NTSR2: variants seen among roughly 807,000 people sequenced by gnomAD.
The protein encoded by NTSR2 is neurotensin receptor 2.
In NTSR2, 22 loss-of-function variants were observed where a neutral mutation model predicts 24.1. The ratio of observed to expected loss-of-function variants is 0.91; its 90% CI spans 0.65 to 1.30. NTSR2 has a LOEUF of 1.30. Ranked by LOEUF, NTSR2 falls within the 50% of genes most tolerant of loss-of-function variation. The pLI is 0.00. For synonymous variants in NTSR2, 291 were observed against 267.0 expected (o/e 1.09, Z -0.88); for missense variants, 570 against 570.4 (o/e 1.00, Z 0.01).
chr2:11,665,055 GTTTTTTTTTTTT>G (rs34751276), intron 1 of NTSR2, among the ~76,000 whole-genome samples: 11 of 106,676 alleles, frequency 1.0e-4, no homozygotes, highest in East Asian at 2.6e-4. Flanking sequence ...CTTTGGCACT[GTTTTTTTTTTTT>G]TTTTTTTTTT....
chr2:11,668,442 A>G (rs1262305095), intron 1 of NTSR2, among the ~76,000 whole-genome samples: 1 of 152,200 alleles, frequency 6.6e-6, no homozygotes, highest in Non-Finnish European at 1.5e-5. Context: ...CGTGCCACTA[A>G]GAAGCCGCTT....
Position 11,662,079 on chromosome 2 carries a change from G to T in NTSR2, c.786C>A (p.Leu262=). 6.2e-7 allele frequency: 1 copy of T among 1,613,648 alleles called. No individual in the cohort carries two copies. The highest frequency in any genetic ancestry group is 1.3e-5 in the African/African-American group (1 of 75,044). ...TCTTCTTCCATACGATGAAGCTGAG[G>T]AGACCCTCCTCACTCAGCAGCTCCA... ...SRLELLSEEG[L]LSFIVWKKTF... is the part of the protein sequence containing the mutation. Residue 262 remains leucine (L), a synonymous_variant, in exon 2 of 4, where the codon CTC becomes CTA. Transcript: ENST00000306928.
Position 11,669,646 on chromosome 2 carries a change from C to G in NTSR2, c.484G>C (p.Ala162Pro). 6.4e-7 allele frequency: 1 copy of G among 1,557,290 alleles called. No homozygotes were observed. The highest frequency in any genetic ancestry group is 1.8e-5 in the Admixed American group (1 of 54,838). Residue 162 changes from alanine (A) to proline (P), a missense_variant, in exon 1 of 4, where the codon GCC becomes CCC. Physicochemically the swap from Ala to Pro is conservative, Grantham distance 27 (BLOSUM62 -1). Coordinates refer to ENST00000306928, the MANE Select transcript of NTSR2 (RefSeq NM_012344.4). ...ATGGGCAGGGCGAGGCCGAGCGAGG[C>G]GGCCCACGAGAGCGCCACCAGCCAC... ...TRWLVALSWA[A>P]SLGLALPMAV...
At chr2:11,669,020 G>C (rs768307519) in intron 1 of NTSR2, among the ~76,000 whole-genome samples, 3 of 152,194 alleles carry the variant, frequency 2.0e-5, no homozygotes, top group Non-Finnish European at 4.4e-5. Context: ...AGGAGGCAAG[G>C]CTGCCAGGGA....
intron 2 of NTSR2, 55 bp downstream of exon 2, chr2:11,661,912 G>C (rs1480779185): frequency 9.6e-6 from 14 of 1,452,398 alleles, no homozygotes; most frequent in Non-Finnish European, 1.1e-5. Flanking sequence ...ATTGGTGGAG[G>C]CAGCCCTGGA....
At chr2:11,659,556 T>C (rs557626261) in intron 3 of NTSR2, among the ~76,000 whole-genome samples, 35 of 152,356 alleles carry the variant, frequency 2.3e-4, no homozygotes, top group Middle Eastern at 3.4e-3. Context: ...TTCCCACTTA[T>C]GATTGGGGCA....
intron 3 of NTSR2, among the ~76,000 whole-genome samples, 157 bp downstream of exon 3, chr2:11,659,886 A>G (rs1661032232): frequency 6.6e-6 from 1 of 152,176 alleles, no homozygotes; most frequent in African/African-American, 2.4e-5. Flanking sequence ...CCTGGCTGGG[A>G]GATTTCAAGG....
Position 11,666,643 on chromosome 2 carries a change from G to A in NTSR2, c.624+2863C>T, listed in dbSNP as rs148972869. Among the ~76,000 whole-genome samples, 51 of 152,338 alleles carry A rather than the reference G, an allele frequency of 3.3e-4. 1 individual carries two copies. Among genetic ancestry groups the A allele is most frequent in the African/African-American group, 4.3e-4 (18 of 41,574 alleles). On this transcript the variant is annotated intron_variant, in intron 1 of 3. Coordinates refer to ENST00000306928, the MANE Select transcript of NTSR2 (RefSeq NM_012344.4). ...GAACCCAGAAGGCCGAGGTTGCAGT[G>A]AGCCGAGAATGTGCGACTGCAATCC...
chr2:11,668,079 A>G (rs1356437174), intron 1 of NTSR2, among the ~76,000 whole-genome samples: 3 of 152,000 alleles, frequency 2.0e-5, no homozygotes, highest in Non-Finnish European at 2.9e-5. Flanking sequence ...AATATCTGGA[A>G]GGATTCTGGC....
intron 1 of NTSR2, 86 bp downstream of exon 1, chr2:11,669,420 T>A: frequency 1.0e-6 from 1 of 979,814 alleles, no homozygotes; most frequent in Non-Finnish European, 1.4e-6. Context: ...GTCGAAAATG[T>A]CTGTTCCCCG....
At chr2:11,660,885 C>G (rs1172019430) in intron 2 of NTSR2, among the ~76,000 whole-genome samples, 10 of 152,218 alleles carry the variant, frequency 6.6e-5, no homozygotes, top group Non-Finnish European at 7.3e-5. Context: ...CTGTTCCTTT[C>G]TATATCCAGT....
chr2:11,669,459 C>CGGGCGGGG, intron 1 of NTSR2, 47 bp downstream of exon 1: 2 of 337,896 alleles, frequency 5.9e-6, no homozygotes, highest in Non-Finnish European at 1.1e-5. Context: ...CTCCCAGCAC[C>CGGGCGGGG]GCCCCCCCAC....
chr2:11,669,459 C>CCGGGGGGGGGG, intron 1 of NTSR2, 47 bp downstream of exon 1: 223 of 337,702 alleles, frequency 6.6e-4, no homozygotes, highest in East Asian at 1.1e-3. Context: ...CTCCCAGCAC[C>CCGGGGGGGGGG]GCCCCCCCAC....
At chr2:11,664,554 TAA>T (rs1309264284) in intron 1 of NTSR2, among the ~76,000 whole-genome samples, 1 of 152,130 alleles carries the variant, frequency 6.6e-6, no homozygotes, top group Non-Finnish European at 1.5e-5. Context: ...GAGGGAAAAA[TAA>T]AACACTACCT....
intron 1 of NTSR2, among the ~76,000 whole-genome samples, chr2:11,665,055 GTT>G (rs34751276): frequency 0.54 from 58,381 of 108,548 alleles, 13,553 homozygotes; most frequent in South Asian, 0.66. Context: ...CTTTGGCACT[GTT>G]TTTTTTTTTT....
intron 1 of NTSR2, among the ~76,000 whole-genome samples, chr2:11,667,075 C>A (rs1661217473): frequency 6.6e-6 from 1 of 152,206 alleles, no homozygotes; most frequent in South Asian, 2.1e-4. Context: ...CAGACCTGGG[C>A]ATGTGAACGC....
chr2:11,663,500 T>C (rs1231608518), intron 1 of NTSR2, among the ~76,000 whole-genome samples: 2 of 151,920 alleles, frequency 1.3e-5, no homozygotes, highest in Non-Finnish European at 2.9e-5. Context: ...GAAAATGAAC[T>C]ACAAATAGGT....
At chr2:11,667,619 A>G (rs1410899956) in intron 1 of NTSR2, among the ~76,000 whole-genome samples, 1 of 152,222 alleles carries the variant, frequency 6.6e-6, no homozygotes, top group Non-Finnish European at 1.5e-5. Context: ...TGCTGAGATT[A>G]CAGGCTTGAG....
chr2:11,670,021 C>T lies in NTSR2; in HGVS notation c.109G>A (p.Ala37Thr), dbSNP rs1425282643. The T allele has an allele frequency of 1.3e-6, 2 of 1,516,698 alleles. No homozygotes were observed. The highest frequency in any genetic ancestry group is 1.4e-5 in the African/African-American group (1 of 69,788). The allele number at this position is 1,516,698 out of a possible 1,614,324, so 94.0% of individuals were successfully genotyped here. A position where few individuals can be genotyped will look rare whatever the true frequency, so the allele number is the denominator to read the frequency against. The stretch of plus-strand genomic sequence containing the variant: ...AGCGCCCAGATGAGTGCGTAGAGCG[C>T]GGTGAACAGCACCTTGGCCCAGAGG... Reference protein sequence around the residue: ...TRLWAKVLFTALYALIWALGA... With the variant: ...TRLWAKVLFTTLYALIWALGA... Residue 37 changes from alanine (A) to threonine (T), a missense_variant, in exon 1 of 4, where the codon GCG (alanine) becomes ACG (threonine). Ala to Thr is a moderately conservative substitution (Grantham distance 58). Coordinates refer to ENST00000306928, the MANE Select transcript of NTSR2 (RefSeq NM_012344.4).
Sources: allele counts gnomAD v4.1 joint callset (sites outside exome capture counted in the v4.1 genomes callset), GRCh38; gene constraint gnomAD v4.1.1; transcripts MANE v1.5; gene names NCBI Gene and HGNC (gene_info 2026-07-23, HGNC 2026-07-21).